The following ARHGAP22 variants were observed in gnomAD, a reference collection of about 807,000 sequenced individuals.
ARHGAP22 encodes the protein Rho GTPase activating protein 22, also known as rho GTPase-activating protein 22.
ARHGAP22 carries 48 observed loss-of-function variants against 59.1 expected under a neutral mutation model. The ratio of observed to expected loss-of-function variants is 0.81; its 90% CI spans 0.64 to 1.03. The LOEUF is 1.03. ARHGAP22 is among the 50% of genes least tolerant of loss of function. The pLI is 0.00. For synonymous variants in ARHGAP22, 445 were observed against 416.4 expected, an observed-to-expected ratio of 1.07 and a Z score of -0.84; for missense variants, 1,015 against 958.7, an observed-to-expected ratio of 1.06 and a Z score of -0.78.
In ARHGAP22 at chr10:48,613,523, G is replaced by A. The variant is rs1376927148; in HGVS notation, c.53-30371C>T. Among the ~76,000 whole-genome samples, 3 of 152,250 alleles carry A rather than the reference G, an allele frequency of 2.0e-5. No individual in the cohort carries two copies. In the East Asian group the frequency reaches 5.8e-4, roughly 29 times the overall value. On this transcript the variant is annotated intron_variant, in intron 1 of 9. Coordinates refer to the ARHGAP22 transcript ENST00000435790. ...AAGTTTCCAGTAGTTCTTAGACCTA[G>A]GCCAGACTTCATGGTGCCATGCCCT...
At chr10:48,585,243 A>G (rs2059359946) in intron 1 of ARHGAP22, among the ~76,000 whole-genome samples, 1 of 152,190 alleles carries the variant, frequency 6.6e-6, no homozygotes, top group South Asian at 2.1e-4. Context: ...TCACAGCTGT[A>G]GCACATTTGC....
intron 7 of ARHGAP22, 139 bp downstream of exon 7, chr10:48,453,949 A>G: frequency 2.3e-6 from 2 of 872,032 alleles, no homozygotes; most frequent in Non-Finnish European, 3.7e-6. Context: ...TGCTTCGTCC[A>G]CGCTGGGTTG....
rs191731088 is a variant in ARHGAP22, at chr10:48,614,745, C to T, written c.53-31593G>A. 2.0e-5 allele frequency among the ~76,000 whole-genome samples: 3 copies of T among 152,292 alleles called. No homozygotes were observed. In the East Asian group the frequency reaches 5.8e-4, roughly 29 times the overall value. ...CAATTTAACTTACCCTAGTCCCATT[C>T]CAGCTCTCCAATAAGCAAGAGTCTT... On this transcript the variant is annotated intron_variant, in intron 1 of 9. Coordinates refer to the ARHGAP22 transcript ENST00000435790.
chr10:48,609,549 G>T (rs569878574), upstream of ARHGAP22, among the ~76,000 whole-genome samples: 1 of 152,290 alleles, frequency 6.6e-6, no homozygotes, highest in African/African-American at 2.4e-5. Flanking sequence ...GAGAGAAAGA[G>T]AAATTAACTT....
At chr10:48,560,958 C>A (rs1488347480) in intron 2 of ARHGAP22, among the ~76,000 whole-genome samples, 2 of 152,034 alleles carry the variant, frequency 1.3e-5, no homozygotes, top group Non-Finnish European at 2.9e-5. Context: ...TCTATAGTGT[C>A]TTTGTCTTGT....
intron 3 of ARHGAP22, among the ~76,000 whole-genome samples, chr10:48,555,010 T>C (rs2057195941): frequency 2.0e-5 from 3 of 152,248 alleles, no homozygotes; most frequent in African/African-American, 7.2e-5. Context: ...TATTGTTTTG[T>C]AACTGCTAAC....
Position 48,459,661 on chromosome 10 carries a change from C to T in ARHGAP22, c.659+23G>A, listed in dbSNP as rs200681373. On this transcript the variant is annotated intron_variant, in intron 5 of 9. Transcript: ENST00000249601. ...AGGAGGAATGGACAAATGGCTCCAC[C>T]TTACCCCCGATCACAAGCTCACCTG... 3.5e-5 allele frequency: 57 copies of T among 1,613,602 alleles called. No individual in the cohort carries two copies. In the African/African-American group the frequency reaches 5.1e-4, roughly 14 times the overall value.
chr10:48,491,551 C>A (rs530217410), intron 3 of ARHGAP22, among the ~76,000 whole-genome samples: 1 of 152,204 alleles, frequency 6.6e-6, no homozygotes, highest in South Asian at 2.1e-4. Flanking sequence ...TGGCCCACCC[C>A]GACTCTGTCT....
intron 3 of ARHGAP22, among the ~76,000 whole-genome samples, chr10:48,480,265 GCA>G (rs1057163036): frequency 2.6e-5 from 4 of 152,090 alleles, no homozygotes; most frequent in Non-Finnish European, 4.4e-5. Context: ...CCAGGATGCA[GCA>G]CAGCACCCCA....
chr10:48,558,033 G>T (rs1172359034), intron 2 of ARHGAP22, among the ~76,000 whole-genome samples: 1 of 152,186 alleles, frequency 6.6e-6, no homozygotes, highest in Non-Finnish European at 1.5e-5. Context: ...CTGGTGTTTT[G>T]GTGGTGTTTA....
chr10:48,440,149 TC>T, the ARHGAP22 span, among the ~76,000 whole-genome samples: 1 of 152,330 alleles, frequency 6.6e-6, no homozygotes, highest in East Asian at 1.9e-4. Flanking sequence ...TCAGTATTGT[TC>T]CTGAAAAGGT....
At chr10:48,561,988 G>T (rs1170334708) in intron 2 of ARHGAP22, among the ~76,000 whole-genome samples, 1 of 152,084 alleles carries the variant, frequency 6.6e-6, no homozygotes, top group Non-Finnish European at 1.5e-5. Flanking sequence ...GCACTTTGGG[G>T]GGCCGAGGTG....
chr10:48,453,296 C>G lies in ARHGAP22; in HGVS notation c.988+8G>C, dbSNP rs370120238. ...CACCCAGGGCCACCAGGTACACCTC[C>G]CACTTACCTTCCATGATGGTTACTG... On this transcript the variant is annotated splice_region_variant and intron_variant, in intron 8 of 9. Transcript: ENST00000249601. 3.8e-5 allele frequency: 62 copies of G among 1,613,206 alleles called. No individual in the cohort carries two copies. Among genetic ancestry groups the G allele is most frequent in the Non-Finnish European group, 4.7e-5 (55 of 1,179,654 alleles).
chr10:48,604,800 C>G lies in ARHGAP22; in HGVS notation c.-4G>C. 1.2e-6 allele frequency: 2 copies of G among 1,614,202 alleles called. No homozygotes were observed. The highest frequency in any genetic ancestry group is 1.7e-6 in the Non-Finnish European group (2 of 1,180,032). ...GCCTGATCTTTGGGCTCAGCATGTT[C>G]TTGCAGCCGTCCGGCCAGCCCCGCA... On this transcript the variant is annotated 5_prime_UTR_variant, in exon 1 of 10. Transcript: ENST00000249601.
At chr10:48,647,044 C>G (rs762325931) in intron 1 of ARHGAP22, among the ~76,000 whole-genome samples, 2 of 152,136 alleles carry the variant, frequency 1.3e-5, no homozygotes, top group Non-Finnish European at 2.9e-5. Flanking sequence ...TCTAATAAGA[C>G]AGACAACCTG....
At chr10:48,476,081 A>G (rs1169838937) in intron 4 of ARHGAP22, among the ~76,000 whole-genome samples, 4 of 152,068 alleles carry the variant, frequency 2.6e-5, no homozygotes, top group Admixed American at 1.3e-4. Flanking sequence ...CTAACCTGCC[A>G]TGTGCCTGCT....
chr10:48,540,406 T>A (rs2055821745), intron 3 of ARHGAP22, among the ~76,000 whole-genome samples: 1 of 152,178 alleles, frequency 6.6e-6, no homozygotes, highest in African/African-American at 2.4e-5. Flanking sequence ...TAATTTTGTA[T>A]TTTTAGTAGA....
chr10:48,607,349 T>G (rs1281748195), upstream of ARHGAP22, among the ~76,000 whole-genome samples: 1 of 151,778 alleles, frequency 6.6e-6, no homozygotes, highest in Admixed American at 6.6e-5. Context: ...AGGGCAGGAG[T>G]TGATCTACGT....
At chr10:48,430,959 CAG>C in the ARHGAP22 span, 2 of 531,086 alleles carry the variant, frequency 3.8e-6, no homozygotes, top group Non-Finnish European at 6.6e-6. Context: ...ACTTCAGAAA[CAG>C]TGAATTACAG....
Sources: allele counts gnomAD v4.1 joint callset (sites outside exome capture counted in the v4.1 genomes callset), GRCh38; gene constraint gnomAD v4.1.1; transcripts MANE v1.5; gene names NCBI Gene and HGNC (gene_info 2026-07-23, HGNC 2026-07-21).